The following ANKRD27 variants were observed in gnomAD, a reference collection of about 807,000 sequenced individuals.
The protein encoded by ANKRD27 is ankyrin repeat domain 27.
In ANKRD27, 112 loss-of-function variants were observed where a neutral mutation model predicts 129.7. That is an observed-to-expected ratio of 0.86 (90% CI 0.74 to 1.01). The LOEUF is 1.01. Among genes scored for constraint, ANKRD27 ranks in the 50% least tolerant of loss-of-function variants. ANKRD27 has a pLI of 0.00. For synonymous variants in ANKRD27, 516 were observed against 511.2 expected (o/e 1.01, Z -0.13); for missense variants, 1,258 against 1,300.5 (o/e 0.97, Z 0.50).
Position 32,643,453 on chromosome 19 carries a change from T to C in ANKRD27, c.617A>G (p.Asn206Ser), listed in dbSNP as rs1437515047. 2 of 1,613,670 alleles carry C rather than the reference T, an allele frequency of 1.2e-6. No individual in the cohort carries two copies. Among genetic ancestry groups the C allele is most frequent in the South Asian group, 1.1e-5 (1 of 91,048 alleles). The part of the protein sequence containing the change: ...KMLAKQEAQM[N>S]LMKQAVEIYV... ...CACCTCCACTGCCTGCTTCATCAGG[T>C]TCATCTGGGCCTCCTGCTTGGCGAG... is the stretch of plus-strand genomic sequence containing the variant. The change falls in exon 7 of 29, where the codon AAC (asparagine) becomes AGC (serine). Residue 206 changes from asparagine (N) to serine (S), a missense_variant. Coordinates refer to ENST00000306065, the MANE Select transcript of ANKRD27 (RefSeq NM_032139.3).
chr19:32,658,020 C>T (rs764106910), intron 2 of ANKRD27, among the ~76,000 whole-genome samples: 18 of 152,010 alleles, frequency 1.2e-4, no homozygotes, highest in East Asian at 1.9e-4. Context: ...AAGTCAATTC[C>T]GGCGTCCGAG....
At chr19:32,599,820 A>G (rs1276019457) in intron 27 of ANKRD27, 44 bp from the exon 28 acceptor site, 3 of 1,600,950 alleles carry the variant, frequency 1.9e-6, no homozygotes, top group Non-Finnish European at 2.6e-6. Flanking sequence ...GGACAGTGGC[A>G]TGAAACACTC....
intron 16 of ANKRD27, 77 bp from the exon 17 acceptor site, chr19:32,626,043 G>T: frequency 8.5e-7 from 1 of 1,174,548 alleles, no homozygotes; most frequent in Non-Finnish European, 1.2e-6. Flanking sequence ...TTAGCAGGGG[G>T]AGGTCATTTG....
intron 24 of ANKRD27, 91 bp from the exon 25 acceptor site, chr19:32,604,515 C>T (rs1381085278): frequency 1.6e-6 from 2 of 1,269,438 alleles, no homozygotes; most frequent in African/African-American, 3.0e-5. Context: ...CTATAAAACA[C>T]ATTGTTTTTT....
At chr19:32,639,200 A>C (rs1967147195) in intron 12 of ANKRD27, 156 bp downstream of exon 12, 7 of 842,634 alleles carry the variant, frequency 8.3e-6, no homozygotes, top group Non-Finnish European at 1.3e-5. Context: ...TGTTCTCTTC[A>C]CTGAGTGATT....
chr19:32,600,045 AG>A lies in ANKRD27; in HGVS notation c.2772del (p.Ser925GlnfsTer42). 1 of 1,609,120 alleles carries A rather than the reference AG, an allele frequency of 6.2e-7. No individual in the cohort carries two copies. The highest frequency in any genetic ancestry group is 8.5e-7 in the Non-Finnish European group (1 of 1,176,270). On this transcript the variant is annotated frameshift_variant, in exon 27 of 29. Coordinates refer to ENST00000306065, the MANE Select transcript of ANKRD27 (RefSeq NM_032139.3). LOFTEE classifies it high-confidence loss of function. ...YVTVKIRKKW[N>X]SKLYDLPDEP... ...TCATCTGGTAGATCATACAGTTTTG[AG>A]TTCCCTGTAGATAAAAAGATAAACA... is the stretch of plus-strand genomic sequence containing the variant.
intron 1 of ANKRD27, among the ~76,000 whole-genome samples, chr19:32,672,319 A>G (rs1463107588): frequency 2.6e-5 from 4 of 152,250 alleles, no homozygotes; most frequent in Non-Finnish European, 5.9e-5. Flanking sequence ...ATGCTGTTAC[A>G]GTCACTTGTG....
intron 15 of ANKRD27, among the ~76,000 whole-genome samples, chr19:32,627,389 TA>T (rs55966952): frequency 0.43 from 57,147 of 133,608 alleles, 13,769 homozygotes; most frequent in Non-Finnish European, 0.5. Flanking sequence ...TTTATTTATT[TA>T]TTTATTTATT....
chr19:32,631,338 G>C, intron 13 of ANKRD27, 64 bp downstream of exon 13: 2 of 1,441,804 alleles, frequency 1.4e-6, no homozygotes, highest in Non-Finnish European at 1.9e-6. Flanking sequence ...GGATTTTATA[G>C]AGGCACCAAG....
intron 1 of ANKRD27, among the ~76,000 whole-genome samples, chr19:32,661,853 G>A (rs1487951525): frequency 6.6e-6 from 1 of 152,112 alleles, no homozygotes; most frequent in Non-Finnish European, 1.5e-5. Flanking sequence ...ACACATATAA[G>A]TGGACCCACA....
At chr19:32,645,957 A>C (rs757068433) in intron 4 of ANKRD27, among the ~76,000 whole-genome samples, 1 of 151,452 alleles carries the variant, frequency 6.6e-6, no homozygotes, top group African/African-American at 2.4e-5. Context: ...TTTGAGACAG[A>C]GTCTCACTCT....
At chr19:32,649,994 G>C (rs1191981368) in intron 2 of ANKRD27, among the ~76,000 whole-genome samples, 1 of 152,144 alleles carries the variant, frequency 6.6e-6, no homozygotes, top group African/African-American at 2.4e-5. Flanking sequence ...TGTTGCTGTT[G>C]TGATGGAATC....
In ANKRD27 at chr19:32,675,108, G is replaced by A. The variant is rs767043456; in HGVS notation, c.-68C>T. 7.2e-5 allele frequency: 11 copies of A among 152,464 alleles called. No homozygotes were observed. Among genetic ancestry groups the A allele is most frequent in the Middle Eastern group, 3.4e-3 (1 of 296 alleles). The allele number at this position is 152,464 out of a possible 1,614,324, so 9.4% of individuals were successfully genotyped here. A position where few individuals can be genotyped will look rare whatever the true frequency, so the allele number is the denominator to read the frequency against. Reference sequence around the variant, plus strand: ...ATCGCTTCATTCCCAGCCCATCCTGGGCGACGGCGGCACCTCCCTCGTCCG... The same window carrying A: ...ATCGCTTCATTCCCAGCCCATCCTGAGCGACGGCGGCACCTCCCTCGTCCG... On this transcript the variant is annotated 5_prime_UTR_variant, in exon 1 of 29. Transcript: ENST00000306065.
At chr19:32,639,157 C>T (rs572332712) in intron 12 of ANKRD27, 199 bp downstream of exon 12, 2 of 602,744 alleles carry the variant, frequency 3.3e-6, no homozygotes, top group Non-Finnish European at 5.8e-6. Flanking sequence ...CCAATGATAA[C>T]CCACCAATTT....
chr19:32,608,380 C>T (rs916475400), intron 22 of ANKRD27: 2 of 332,280 alleles, frequency 6.0e-6, no homozygotes, highest in South Asian at 2.4e-5. Context: ...ATGGCCACAG[C>T]CCCGCAAAGG....
At chr19:32,630,852 G>C (rs553177875) in intron 13 of ANKRD27, among the ~76,000 whole-genome samples, 1 of 152,042 alleles carries the variant, frequency 6.6e-6, no homozygotes, top group South Asian at 2.1e-4. Flanking sequence ...GGCTGGTCTC[G>C]GGCTTCTGGC....
chr19:32,624,382 A>G (rs1972059032), intron 17 of ANKRD27, among the ~76,000 whole-genome samples: 1 of 151,552 alleles, frequency 6.6e-6, no homozygotes, highest in Non-Finnish European at 1.5e-5. Flanking sequence ...AAAAAAAAAA[A>G]AGAATGTGCT....
At chr19:32,664,728 G>A (rs1172357923) in intron 1 of ANKRD27, among the ~76,000 whole-genome samples, 2 of 150,422 alleles carry the variant, frequency 1.3e-5, no homozygotes, top group Non-Finnish European at 3.0e-5. Flanking sequence ...GAAGGTCAAA[G>A]CAGGTGGACT....
chr19:32,673,270 A>G (rs1366792869), intron 1 of ANKRD27: 5 of 984,826 alleles, frequency 5.1e-6, no homozygotes, highest in Non-Finnish European at 6.0e-6. Context: ...CCCCAGGTGC[A>G]TTCCTGTCCC....
Sources: allele counts gnomAD v4.1 joint callset (sites outside exome capture counted in the v4.1 genomes callset), GRCh38; gene constraint gnomAD v4.1.1; transcripts MANE v1.5; gene names NCBI Gene and HGNC (gene_info 2026-07-23, HGNC 2026-07-21).